ZMYM5: variants seen among roughly 807,000 people sequenced by gnomAD.
The protein encoded by ZMYM5 is zinc finger MYM-type containing 5.
Under a neutral mutation model 61.8 loss-of-function variants are expected in ZMYM5, and 41 were observed. That is an observed-to-expected ratio of 0.66 (90% confidence interval 0.52 to 0.86). ZMYM5 has a LOEUF of 0.86. Ranked by LOEUF, ZMYM5 falls within the 40% of genes least tolerant of loss-of-function variation. ZMYM5 has a pLI of 0.00. For missense variants in ZMYM5, 706 were observed against 786.7 expected, an observed-to-expected ratio of 0.90 and a Z score of 1.23; for synonymous variants, 257 against 276.4, an observed-to-expected ratio of 0.93 and a Z score of 0.70.
chr13:19,828,317 T>C (rs1216812202), intron 7 of ZMYM5, among the ~76,000 whole-genome samples: 2 of 151,608 alleles, frequency 1.3e-5, no homozygotes, highest in Non-Finnish European at 2.9e-5. Flanking sequence ...CTACTAAAAA[T>C]ACAAAAATTA....
intron 7 of ZMYM5, among the ~76,000 whole-genome samples, chr13:19,834,501 C>T (rs1360256952): frequency 3.3e-5 from 5 of 149,426 alleles, no homozygotes; most frequent in East Asian, 4.0e-4. Flanking sequence ...TTGACCAGGC[C>T]GGTCTTGAAC....
chr13:19,861,846 T>C (rs1953776133), intron 2 of ZMYM5, among the ~76,000 whole-genome samples: 1 of 143,106 alleles, frequency 7.0e-6, no homozygotes, highest in African/African-American at 2.6e-5. Context: ...CACTGTCTAG[T>C]AGCAAAAAAA....
At chr13:19,862,897 A>G (rs997135350) in intron 1 of ZMYM5, among the ~76,000 whole-genome samples, 1 of 152,190 alleles carries the variant, frequency 6.6e-6, no homozygotes, top group East Asian at 1.9e-4. Context: ...CTGGGGCCCC[A>G]GCAGTCGACG....
At chr13:19,856,443 C>G (rs1953513614) in intron 2 of ZMYM5, among the ~76,000 whole-genome samples, 1 of 151,714 alleles carries the variant, frequency 6.6e-6, no homozygotes, top group South Asian at 2.1e-4. Flanking sequence ...GAGTTCGAGA[C>G]CAGCCTGACC....
At chr13:19,857,011 CAGG>C (rs1284110985) in intron 2 of ZMYM5, among the ~76,000 whole-genome samples, 1 of 152,040 alleles carries the variant, frequency 6.6e-6, no homozygotes, top group African/African-American at 2.4e-5. Flanking sequence ...GAGGCTGAGG[CAGG>C]AGAATGGCGT....
intron 2 of ZMYM5, among the ~76,000 whole-genome samples, chr13:19,857,355 G>C (rs946214809): frequency 3.9e-5 from 6 of 152,084 alleles, no homozygotes; most frequent in Non-Finnish European, 2.9e-5. Context: ...TAAAGATAAG[G>C]GTTAACATAA....
chr13:19,840,175 T>C, intron 4 of ZMYM5, among the ~76,000 whole-genome samples: 1 of 152,216 alleles, frequency 6.6e-6, no homozygotes, highest in Non-Finnish European at 1.5e-5. Context: ...AGGTGGCTCA[T>C]GCCTATAATC....
rs1309390047 is a variant in ZMYM5, at chr13:19,823,584, TTAAAA to T, written c.*888_*892del. ...TAATAAATGCTAAAACATTTACAAATTAAAATAAACATAAAACCAATAAAATGGAA... is the reference window on the plus strand; with the variant it reads ...TAATAAATGCTAAAACATTTACAAATTAAACATAAAACCAATAAAATGGAA... On this transcript the variant is annotated 3_prime_UTR_variant, in exon 8 of 8. Transcript: ENST00000337963. The T allele has an allele frequency of 6.6e-6, 1 of 152,042 alleles. No homozygotes were observed. The highest frequency in any genetic ancestry group is 1.5e-5 in the Non-Finnish European group (1 of 67,996). The allele number at this position is 152,042 out of a possible 1,614,324, so 9.4% of individuals were successfully genotyped here.
At chr13:19,837,026 T>TG (rs1289949450) in intron 6 of ZMYM5, among the ~76,000 whole-genome samples, 91 of 119,332 alleles carry the variant, frequency 7.6e-4, no homozygotes, top group Admixed American at 2.6e-3. Flanking sequence ...TGTTTTTTGT[T>TG]TTTTTTTTTT....
intron 7 of ZMYM5, among the ~76,000 whole-genome samples, chr13:19,828,860 G>A (rs1488317391): frequency 6.6e-6 from 1 of 152,182 alleles, no homozygotes; most frequent in Non-Finnish European, 1.5e-5. Flanking sequence ...ACCAGGTTTG[G>A]AGGTTCAGTT....
chr13:19,834,290 TA>T (rs1026019071), intron 7 of ZMYM5, among the ~76,000 whole-genome samples: 3 of 140,858 alleles, frequency 2.1e-5, no homozygotes, highest in Non-Finnish European at 4.7e-5. Flanking sequence ...TTTTTTCTTT[TA>T]AAAAAAAAAC....
chr13:19,829,192 C>A (rs895648056), intron 7 of ZMYM5, among the ~76,000 whole-genome samples: 3 of 152,098 alleles, frequency 2.0e-5, no homozygotes, highest in African/African-American at 7.2e-5. Flanking sequence ...AAATAGGAGT[C>A]CCTTACCACC....
At chr13:19,835,283 CT>C (rs1342032423) in intron 7 of ZMYM5, among the ~76,000 whole-genome samples, 193 bp downstream of exon 7, 1 of 152,134 alleles carries the variant, frequency 6.6e-6, no homozygotes, top group East Asian at 1.9e-4. Flanking sequence ...AAGTGAGTCA[CT>C]GCACCCAGCC....
At chr13:19,855,394 C>T (rs1050791737) in intron 2 of ZMYM5, among the ~76,000 whole-genome samples, 2 of 151,952 alleles carry the variant, frequency 1.3e-5, no homozygotes, top group African/African-American at 2.4e-5. Context: ...TCCCAAGTAG[C>T]TGGGACTACA....
At chr13:19,851,073 G>A (rs920415790) in intron 4 of ZMYM5, among the ~76,000 whole-genome samples, 1 of 152,030 alleles carries the variant, frequency 6.6e-6, no homozygotes, top group Non-Finnish European at 1.5e-5. Flanking sequence ...GCCGAGTGTG[G>A]TGGCAGGCGC....
rs1471215355 is a variant in ZMYM5 at position 19,824,296 on chromosome 13, T to C, written c.*181A>G. 2 of 302,018 alleles carry C rather than the reference T, an allele frequency of 6.6e-6. No homozygotes were observed. Among genetic ancestry groups the C allele is most frequent in the East Asian group, 3.1e-4 (2 of 6,452 alleles). The allele number at this position is 302,018 out of a possible 1,614,324, so 18.7% of individuals were successfully genotyped here. A position where few individuals can be genotyped will look rare whatever the true frequency, so the allele number is the denominator to read the frequency against. On this transcript the variant is annotated 3_prime_UTR_variant, in exon 8 of 8. Coordinates refer to ENST00000337963, the MANE Select transcript of ZMYM5 (RefSeq NM_001142684.2). ...CTAATGATGATTGAATCTAATTAGT[T>C]TTAGATTTAGAATGGAAACATTCTT... is the stretch of plus-strand genomic sequence containing the variant.
chr13:19,846,751 C>CAA (rs1953085863), intron 4 of ZMYM5, among the ~76,000 whole-genome samples: 2 of 149,970 alleles, frequency 1.3e-5, no homozygotes, highest in African/African-American at 5.0e-5. Flanking sequence ...AATACAGTCC[C>CAA]CCCCTTTTTT....
intron 4 of ZMYM5, among the ~76,000 whole-genome samples, chr13:19,846,983 T>C (rs1454093720): frequency 6.6e-6 from 1 of 152,194 alleles, no homozygotes; most frequent in Non-Finnish European, 1.5e-5. Context: ...AGTCTCGCTC[T>C]GCTGCCCAGG....
intron 2 of ZMYM5, among the ~76,000 whole-genome samples, chr13:19,859,433 C>T (rs1472230625): frequency 3.3e-5 from 5 of 152,062 alleles, no homozygotes; most frequent in African/African-American, 4.8e-5. Context: ...GACGGAGTCT[C>T]GCTCTGTCAC....
Sources: gnomAD v4.1 joint callset for allele counts (sites outside exome capture counted in the v4.1 genomes callset) on GRCh38, gnomAD v4.1.1 for gene constraint, MANE v1.5 for transcripts, NCBI Gene and HGNC (gene_info 2026-07-23, HGNC 2026-07-21) for gene names.